PRSS23: variants seen among roughly 807,000 people sequenced by gnomAD.
PRSS23 encodes the protein serine protease 23.
Under a neutral mutation model 34.7 loss-of-function variants are expected in PRSS23, and 25 were observed. The observed-to-expected ratio is 0.72, with a 90% CI of 0.53 to 1.01. PRSS23 has a LOEUF of 1.01. Ranked by LOEUF, PRSS23 falls within the 50% of genes least tolerant of loss-of-function variation. PRSS23 has a pLI of 0.00. For synonymous variants in PRSS23, 176 were observed against 186.6 expected (o/e 0.94, Z 0.46); for missense variants, 445 against 475.6 (o/e 0.94, Z 0.60).
chr11:86,829,076 AC>A (rs1208420256), intron 2 of PRSS23, among the ~76,000 whole-genome samples: 41 of 152,126 alleles, frequency 2.7e-4, no homozygotes, highest in African/African-American at 9.4e-4. Context: ...CTGGATAATG[AC>A]CTGCAGAGTA....
At chr11:86,842,303 A>G (rs562122850) in intron 2 of PRSS23, among the ~76,000 whole-genome samples, 1 of 152,362 alleles carries the variant, frequency 6.6e-6, no homozygotes, top group Admixed American at 6.5e-5. Flanking sequence ...AGAGCTATTT[A>G]TGACAAACCC....
intron 2 of PRSS23, among the ~76,000 whole-genome samples, chr11:86,879,553 G>T (rs1217955225): frequency 7.5e-6 from 1 of 134,072 alleles, no homozygotes; most frequent in Non-Finnish European, 1.6e-5. Context: ...AGGTGGGGGG[G>T]TCAGCCCCCC....
intron 2 of PRSS23, among the ~76,000 whole-genome samples, chr11:86,926,001 G>A (rs548165014): frequency 7.9e-4 from 121 of 152,284 alleles, no homozygotes; most frequent in African/African-American, 2.6e-3. Flanking sequence ...CCATCAGAAA[G>A]TAAAGAATAA....
intron 2 of PRSS23, among the ~76,000 whole-genome samples, chr11:86,915,096 G>T (rs1949003397): frequency 6.7e-6 from 1 of 148,348 alleles, no homozygotes; most frequent in Non-Finnish European, 1.5e-5. Flanking sequence ...CAGTCCAGCT[G>T]CCTGGGAACT....
intron 2 of PRSS23, among the ~76,000 whole-genome samples, chr11:86,923,128 CTTTT>C (rs34997377): frequency 2.3e-5 from 3 of 127,728 alleles, no homozygotes; most frequent in Non-Finnish European, 1.7e-5. Context: ...TTCCTGTCTA[CTTTT>C]TTTTTTTTTT....
At chr11:86,944,465 A>G (rs921301903) in intron 2 of PRSS23, among the ~76,000 whole-genome samples, 3 of 152,182 alleles carry the variant, frequency 2.0e-5, no homozygotes, top group African/African-American at 4.8e-5. Context: ...TAAAATAAAA[A>G]TACAACCAAA....
At chr11:86,851,986 C>T (rs1317368173) in intron 2 of PRSS23, among the ~76,000 whole-genome samples, 1 of 152,212 alleles carries the variant, frequency 6.6e-6, no homozygotes. Flanking sequence ...CCACAGTCTG[C>T]TGAGCTGACA....
intron 2 of PRSS23, among the ~76,000 whole-genome samples, chr11:86,827,758 A>C (rs1948314946): frequency 6.6e-6 from 1 of 152,200 alleles, no homozygotes; most frequent in Non-Finnish European, 1.5e-5. Flanking sequence ...TGTACCCAGT[A>C]GTCATTCAGG....
At chr11:86,872,024 C>T (rs930802041) in intron 2 of PRSS23, among the ~76,000 whole-genome samples, 4 of 152,228 alleles carry the variant, frequency 2.6e-5, no homozygotes, top group Non-Finnish European at 5.9e-5. Context: ...TGGAATCAAA[C>T]ATCCCAGGGG....
rs1402441286 is a variant in PRSS23, at chr11:86,835,139, A to G, written c.206+11546A>G. 2.0e-5 allele frequency among the ~76,000 whole-genome samples: 3 copies of G among 152,226 alleles called. No homozygotes were observed. The East Asian group carries it at 5.8e-4, about 29-fold the overall frequency. On this transcript the variant is annotated intron_variant, in intron 2 of 2. Coordinates refer to the PRSS23 transcript ENST00000533902. Reference sequence around the variant, plus strand: ...AGTTGCAGCACTGGCCTTTCAAGTAATAGAGCCTGATATTTAAGTAAACAG... The same window carrying G: ...AGTTGCAGCACTGGCCTTTCAAGTAGTAGAGCCTGATATTTAAGTAAACAG...
At chr11:86,828,683 A>AT (rs1221757311) in intron 2 of PRSS23, among the ~76,000 whole-genome samples, 1 of 152,114 alleles carries the variant, frequency 6.6e-6, no homozygotes, top group Admixed American at 6.6e-5. Context: ...CTTTTAGGGC[A>AT]GGCTTGGTGG....
At chr11:86,898,027 A>C (rs906876407) in intron 2 of PRSS23, among the ~76,000 whole-genome samples, 1 of 152,238 alleles carries the variant, frequency 6.6e-6, no homozygotes, top group African/African-American at 2.4e-5. Flanking sequence ...TCATTTTAAA[A>C]GTAACATTCC....
Position 86,809,775 on chromosome 11 carries a change from G to A in PRSS23, c.*980G>A, listed in dbSNP as rs1319425471. ...ATGAATTAAATTCCAGAGAACAATG[G>A]AAGCATTGCCTGGCAGATGTCACAA... On this transcript the variant is annotated 3_prime_UTR_variant, in exon 2 of 2. Transcript: ENST00000280258. 6.0e-6 allele frequency: 1 copy of A among 167,016 alleles called. No homozygotes were observed. Among genetic ancestry groups the A allele is most frequent in the Non-Finnish European group, 1.5e-5 (1 of 68,118 alleles). 10.3% of individuals were successfully genotyped at this position (167,016 alleles called of 1,614,324 possible).
chr11:86,797,604 G>A (rs752943615), upstream of PRSS23, among the ~76,000 whole-genome samples: 1 of 152,108 alleles, frequency 6.6e-6, no homozygotes, highest in Non-Finnish European at 1.5e-5. Flanking sequence ...CTGAGTGATG[G>A]GAATAATCAT....
intron 2 of PRSS23, among the ~76,000 whole-genome samples, chr11:86,842,785 C>CG (rs1426679259): frequency 3.3e-5 from 5 of 152,074 alleles, no homozygotes; most frequent in African/African-American, 1.2e-4. Context: ...CGCCAAGAAA[C>CG]GGAAGAACAT....
intron 2 of PRSS23, among the ~76,000 whole-genome samples, chr11:86,905,133 T>A (rs1948934082): frequency 6.6e-6 from 1 of 152,200 alleles, no homozygotes; most frequent in Non-Finnish European, 1.5e-5. Context: ...CCCTATCAGG[T>A]AACATGTCAT....
chr11:86,914,166 C>T (rs142733995), intron 2 of PRSS23, among the ~76,000 whole-genome samples: 1,773 of 151,930 alleles, frequency 0.012, 28 homozygotes, highest in African/African-American at 0.041. Flanking sequence ...ACAGAGGTTG[C>T]AGCAAGCCGA....
chr11:86,939,426 A>ATTTTT lies in PRSS23; in HGVS notation c.207-11788_207-11784dup. Among the ~76,000 whole-genome samples the ATTTTT allele has an allele frequency of 5.1e-3, 479 of 94,022 alleles. 10 individuals carry two copies. The highest frequency in any genetic ancestry group is 0.014 in the Middle Eastern group (2 of 142). 61.7% of individuals were successfully genotyped at this position (94,022 alleles called of 152,430 possible). ...AAAATATATATATATATATATATAT[A>ATTTTT]TTTTTTAACATGAGTAAAAATTGCA... On this transcript the variant is annotated intron_variant, in intron 2 of 2. Coordinates refer to the PRSS23 transcript ENST00000533902.
chr11:86,868,313 C>A (rs1948664002), intron 2 of PRSS23, among the ~76,000 whole-genome samples: 1 of 152,194 alleles, frequency 6.6e-6, no homozygotes. Flanking sequence ...TGTTCTTCAT[C>A]TCCTTCTGGG....
Sources: gnomAD v4.1 joint callset for allele counts (sites outside exome capture counted in the v4.1 genomes callset) on GRCh38, gnomAD v4.1.1 for gene constraint, MANE v1.5 for transcripts, NCBI Gene and HGNC (gene_info 2026-07-23, HGNC 2026-07-21) for gene names.